Variants in CEP68 observed in about 807,000 individuals in gnomAD.
The protein encoded by CEP68 is centrosomal protein 68, also known as centrosomal protein of 68 kDa.
Under a neutral mutation model 55.3 loss-of-function variants are expected in CEP68, and 26 were observed. That is an observed-to-expected ratio of 0.47 (90% CI 0.34 to 0.65). CEP68 has a LOEUF of 0.65. CEP68 is among the 30% of genes least tolerant of loss of function. The pLI is 0.01. For synonymous variants in CEP68, 402 were observed against 383.2 expected, an observed-to-expected ratio of 1.05 and a Z score of -0.57; for missense variants, 957 against 946.7, an observed-to-expected ratio of 1.01 and a Z score of -0.14.
chr2:65,063,533 A>G (rs1176173072), intron 1 of CEP68, among the ~76,000 whole-genome samples: 2 of 152,236 alleles, frequency 1.3e-5, no homozygotes, highest in Admixed American at 6.5e-5. Context: ...TGTGGGTCCA[A>G]GACAACAAGC....
intron 1 of CEP68, among the ~76,000 whole-genome samples, chr2:65,062,359 C>A (rs921309079): frequency 1.4e-4 from 22 of 152,254 alleles, no homozygotes; most frequent in Middle Eastern, 6.8e-3. Context: ...CATGGTTAAA[C>A]CCCGTATCTA....
intron 1 of CEP68, among the ~76,000 whole-genome samples, chr2:65,057,032 T>C (rs1477892161): frequency 1.9e-5 from 2 of 102,710 alleles, no homozygotes; most frequent in African/African-American, 9.1e-5. Context: ...CGCGCCCAGA[T>C]GCGGAGAGAA....
At chr2:65,059,720 A>C (rs781405267) in intron 1 of CEP68, among the ~76,000 whole-genome samples, 4 of 152,160 alleles carry the variant, frequency 2.6e-5, no homozygotes, top group Non-Finnish European at 5.9e-5. Context: ...TTACCAACCC[A>C]GTGCTTCTGA....
Position 65,067,698 on chromosome 2 carries a change from G to T in CEP68, c.-46-1701G>T, listed in dbSNP as rs575967980. On this transcript the variant is annotated intron_variant, in intron 1 of 6. Coordinates refer to ENST00000377990, the MANE Select transcript of CEP68 (RefSeq NM_015147.3). ...CCTGCCCTGGCTCATTTTGGCAAAG[G>T]AATGGGGGACAAGGGCGGAGAGAGA... is the stretch of plus-strand genomic sequence containing the variant. Among the ~76,000 whole-genome samples the T allele has an allele frequency of 1.4e-4, 21 of 152,288 alleles. No individual in the cohort carries two copies. In the South Asian group the frequency reaches 4.1e-3, roughly 30 times the overall value.
intron 2 of CEP68, chr2:65,071,188 G>C (rs1322476455): frequency 4.0e-6 from 2 of 495,152 alleles, no homozygotes; most frequent in Non-Finnish European, 7.3e-6. Context: ...AGTTCTGCTT[G>C]CTCACACCCT....
chr2:65,073,148 A>G, intron 3 of CEP68, 168 bp downstream of exon 3: 2 of 802,952 alleles, frequency 2.5e-6, no homozygotes, highest in Non-Finnish European at 4.2e-6. Flanking sequence ...CCAGGTAAGC[A>G]CTGTTCTCAT....
chr2:65,081,071 C>T lies in CEP68; in HGVS notation c.2105-1465C>T, dbSNP rs373638507. 5.9e-5 allele frequency among the ~76,000 whole-genome samples: 9 copies of T among 152,028 alleles called. No individual in the cohort carries two copies. The East Asian group carries it at 1.5e-3, about 26-fold the overall frequency. On this transcript the variant is annotated intron_variant, in intron 5 of 6. Coordinates refer to ENST00000377990, the MANE Select transcript of CEP68 (RefSeq NM_015147.3). ...ACTAAAAATACAAATATTAGCCGGG[C>T]GTGGTGGTGGGCGCCAGTAATTCCA...
rs768797246 is a variant in CEP68 at position 65,072,336 on chromosome 2, A to G, written c.1240A>G (p.Arg414Gly). ...PGSRDARWER[R>G]EPALRGAKDR... ...CAGTAGGGATGCTCGTTGGGAGCGCAGAGAGCCAGCCCTGAGGGGTGCGAA... is the reference window on the plus strand; with the variant it reads ...CAGTAGGGATGCTCGTTGGGAGCGCGGAGAGCCAGCCCTGAGGGGTGCGAA... Residue 414 changes from arginine (R) to glycine (G), a missense_variant, in exon 3 of 7, where the codon AGA (arginine) becomes GGA (glycine). Coordinates refer to ENST00000377990, the MANE Select transcript of CEP68 (RefSeq NM_015147.3). 1.9e-6 allele frequency: 3 copies of G among 1,614,020 alleles called. No homozygotes were observed. Among genetic ancestry groups the G allele is most frequent in the African/African-American group, 1.3e-5 (1 of 75,046 alleles).
chr2:65,064,322 G>A (rs1214038758), intron 1 of CEP68, among the ~76,000 whole-genome samples: 1 of 152,156 alleles, frequency 6.6e-6, no homozygotes, highest in Non-Finnish European at 1.5e-5. Flanking sequence ...AAAACAAAGG[G>A]ATAATTTGTT....
At position 65,072,860 on chromosome 2, in the gene CEP68, AAC is replaced by A. The variant is rs1420733561; in HGVS notation, c.1767_1768del (p.Arg590ProfsTer6). On this transcript the variant is annotated frameshift_variant, in exon 3 of 7. Coordinates refer to ENST00000377990, the MANE Select transcript of CEP68 (RefSeq NM_015147.3). LOFTEE classifies it high-confidence loss of function. ...TCGGGGTCTCCTCTGGACTGCTGAA[AAC>A]ACGCCCCTCCTTGCCAGCTAGGTTG... ...ALGVSSGLLK[T>X]RPSLPARLDR... 2 of 1,613,998 alleles carry A rather than the reference AAC, an allele frequency of 1.2e-6. No homozygotes were observed. Among genetic ancestry groups the A allele is most frequent in the Non-Finnish European group, 1.7e-6 (2 of 1,180,044 alleles).
In CEP68 at chr2:65,083,973, A is replaced by C. The variant is rs1461380678; in HGVS notation, c.*339A>C. On this transcript the variant is annotated 3_prime_UTR_variant, in exon 7 of 7. Transcript: ENST00000377990. Reference sequence around the variant, plus strand: ...TCAAACTATTCCACCTGGTAGGGTCATTTACCAAGGGCTGGTAGGAGATTC... The same window carrying C: ...TCAAACTATTCCACCTGGTAGGGTCCTTTACCAAGGGCTGGTAGGAGATTC... The C allele has an allele frequency of 1.3e-5, 2 of 152,204 alleles. No individual in the cohort carries two copies. Among genetic ancestry groups the C allele is most frequent in the African/African-American group, 4.8e-5 (2 of 41,440 alleles). 9.4% of individuals were successfully genotyped at this position (152,204 alleles called of 1,614,324 possible). A position where few individuals can be genotyped will look rare whatever the true frequency, so the allele number is the denominator to read the frequency against.
chr2:65,071,275 C>G (rs1457421674), intron 2 of CEP68, 179 bp from the exon 3 acceptor site: 1 of 600,888 alleles, frequency 1.7e-6, no homozygotes, highest in Non-Finnish European at 2.9e-6. Flanking sequence ...CAGGCAGGGT[C>G]TCAGTGCTGC....
chr2:65,079,404 G>A (rs566046564), intron 5 of CEP68, among the ~76,000 whole-genome samples: 64 of 152,316 alleles, frequency 4.2e-4, no homozygotes, highest in African/African-American at 1.4e-3. Context: ...ACATTGCTAA[G>A]TGTACCCTGG....
At position 65,085,060 on chromosome 2, in the gene CEP68, T is replaced by C. The variant is rs1030289650; in HGVS notation, c.*1426T>C. On this transcript the variant is annotated 3_prime_UTR_variant, in exon 7 of 7. Coordinates refer to ENST00000377990, the MANE Select transcript of CEP68 (RefSeq NM_015147.3). The stretch of plus-strand genomic sequence containing the variant: ...CTGACGGCCTCTTCTTAAATTGATA[T>C]ATTTTACCTTCTCTTAGATGTACAT... 2.0e-5 allele frequency: 3 copies of C among 152,210 alleles called. No homozygotes were observed. Among genetic ancestry groups the C allele is most frequent in the African/African-American group, 7.2e-5 (3 of 41,438 alleles). 9.4% of individuals were successfully genotyped at this position (152,210 alleles called of 1,614,324 possible).
intron 4 of CEP68, among the ~76,000 whole-genome samples, chr2:65,075,689 C>G (rs1038602670): frequency 6.6e-6 from 1 of 152,156 alleles, no homozygotes; most frequent in African/African-American, 2.4e-5. Flanking sequence ...CTCCTGCCTT[C>G]TAGCATATCT....
chr2:65,081,582 A>G (rs1668809268), intron 5 of CEP68, among the ~76,000 whole-genome samples: 1 of 152,244 alleles, frequency 6.6e-6, no homozygotes, highest in Admixed American at 6.5e-5. Flanking sequence ...AAAAGAAAGA[A>G]AAAAGCCTGC....
intron 5 of CEP68, among the ~76,000 whole-genome samples, chr2:65,079,187 T>C (rs575078275): frequency 3.3e-4 from 50 of 152,194 alleles, no homozygotes; most frequent in Middle Eastern, 3.4e-3. Context: ...TGAGAGGCAA[T>C]GAGGAGGCAC....
Position 65,077,884 on chromosome 2 carries a change from T to C in CEP68, c.2024T>C (p.Ile675Thr), listed in dbSNP as rs1272890582. ...LQLYRQFKKDIDEHQSLTESV... is the reference protein window; with the variant it reads ...LQLYRQFKKDTDEHQSLTESV... ...CGCCTTAAGCAATTTAAGAAAGATA[T>C]AGATGAACATCAGTCTCTGACGGAG... Residue 675 changes from isoleucine (I) to threonine (T), a missense_variant, in exon 5 of 7, where the codon ATA becomes ACA. Transcript: ENST00000377990. The C allele has an allele frequency of 4.3e-6, 7 of 1,613,272 alleles. No individual in the cohort carries two copies. The East Asian group carries it at 6.7e-5, about 15-fold the overall frequency.
intron 5 of CEP68, among the ~76,000 whole-genome samples, 164 bp downstream of exon 5, chr2:65,078,128 C>A (rs1235242140): frequency 6.6e-6 from 1 of 152,150 alleles, no homozygotes; most frequent in Non-Finnish European, 1.5e-5. Context: ...CGCGTCGCTG[C>A]CCATCACTGC....
Sources: gnomAD v4.1 joint callset for allele counts (sites outside exome capture counted in the v4.1 genomes callset) on GRCh38, gnomAD v4.1.1 for gene constraint, MANE v1.5 for transcripts, NCBI Gene and HGNC (gene_info 2026-07-23, HGNC 2026-07-21) for gene names.